BTRC: variants seen among roughly 807,000 people sequenced by gnomAD.
BTRC encodes the protein beta-transducin repeat containing E3 ubiquitin protein ligase.
BTRC carries 42 observed loss-of-function variants against 85.5 expected under a neutral mutation model. The ratio of observed to expected loss-of-function variants is 0.49; its 90% CI spans 0.38 to 0.64. BTRC has a LOEUF of 0.64. BTRC is among the 30% of genes least tolerant of loss of function. The probability of loss-of-function intolerance (pLI) is 0.00; values close to 1 mark genes in which losing one functional copy is unlikely to be tolerated. For synonymous variants in BTRC, 255 were observed against 263.3 expected (o/e 0.97, Z 0.30); for missense variants, 594 against 743.5 (o/e 0.80, Z 2.34).
At chr10:101,462,107 A>G (rs746001139) in intron 3 of BTRC, 49 bp downstream of exon 3, 4 of 1,267,328 alleles carry the variant, frequency 3.2e-6, no homozygotes, top group Admixed American at 5.2e-5. Flanking sequence ...ACAGCAAAAC[A>G]AAAGACAGGA....
chr10:101,536,745 T>C (rs982118779), intron 12 of BTRC, 92 bp downstream of exon 12: 6 of 928,856 alleles, frequency 6.5e-6, no homozygotes, highest in South Asian at 5.6e-5. Context: ...TCCTTGTTTC[T>C]AAAAGCTTAT....
At chr10:101,529,508 A>C (rs1190807137) in intron 6 of BTRC, among the ~76,000 whole-genome samples, 1 of 152,196 alleles carries the variant, frequency 6.6e-6, no homozygotes, top group African/African-American at 2.4e-5. Context: ...TTCACATTCA[A>C]AATCTATTAT....
intron 4 of BTRC, among the ~76,000 whole-genome samples, chr10:101,493,845 T>C (rs1252973428): frequency 6.6e-6 from 1 of 152,224 alleles, no homozygotes; most frequent in East Asian, 1.9e-4. Flanking sequence ...CAAGCTTTGA[T>C]TGTGTGTAAT....
chr10:101,397,976 A>G (rs79758656), intron 1 of BTRC, among the ~76,000 whole-genome samples: 1,858 of 152,354 alleles, frequency 0.012, 43 homozygotes, highest in African/African-American at 0.043. Flanking sequence ...CCACTTGCTC[A>G]TCACAGCAAG....
chr10:101,527,786 TCTC>T (rs1564827260), intron 6 of BTRC, among the ~76,000 whole-genome samples: 4 of 137,064 alleles, frequency 2.9e-5, no homozygotes, highest in Non-Finnish European at 3.3e-5. Flanking sequence ...TCTCTCTCTC[TCTC>T]TCACATACAC....
chr10:101,546,090 A>G (rs1374019467), intron 13 of BTRC, among the ~76,000 whole-genome samples: 2 of 152,242 alleles, frequency 1.3e-5, no homozygotes, highest in Non-Finnish European at 2.9e-5. Context: ...CAGTAAGAAC[A>G]TAGTTGAATT....
rs529941851 is a variant in BTRC at position 101,368,610 on chromosome 10, A to C, written c.48+14382A>C. Among the ~76,000 whole-genome samples the C allele has an allele frequency of 5.0e-4, 75 of 151,456 alleles. 1 individual carries two copies. The highest frequency in any genetic ancestry group is 9.0e-4 in the Non-Finnish European group (61 of 67,914). On this transcript the variant is annotated intron_variant, in intron 1 of 14. Transcript: ENST00000370187. ...TCTTCCCATTTTAGCCTCCTGAGTA[A>C]CTAGGACTACAGGCATGTGCCACCA...
intron 3 of BTRC, among the ~76,000 whole-genome samples, chr10:101,479,023 A>G (rs1405774498): frequency 6.6e-6 from 1 of 152,100 alleles, no homozygotes; most frequent in East Asian, 1.9e-4. Context: ...GAAAAACAAC[A>G]AAAATAAATC....
At chr10:101,458,892 A>C (rs1945148733) in intron 2 of BTRC, among the ~76,000 whole-genome samples, 1 of 152,188 alleles carries the variant, frequency 6.6e-6, no homozygotes, top group South Asian at 2.1e-4. Flanking sequence ...CAAGTATCTT[A>C]TAGAAAAAAT....
At chr10:101,509,294 G>A (rs1460780729) in intron 4 of BTRC, among the ~76,000 whole-genome samples, 2 of 108,472 alleles carry the variant, frequency 1.8e-5, no homozygotes, top group Non-Finnish European at 3.4e-5. Context: ...TCGCTCTGTC[G>A]CCCAGGCTGG....
intron 1 of BTRC, among the ~76,000 whole-genome samples, chr10:101,398,314 T>C (rs926786615): frequency 1.3e-5 from 2 of 152,152 alleles, no homozygotes; most frequent in Non-Finnish European, 2.9e-5. Flanking sequence ...TTTTTTTCTT[T>C]TTTTGTTTTT....
At chr10:101,515,219 G>A (rs2062007675) in intron 4 of BTRC, among the ~76,000 whole-genome samples, 2 of 152,062 alleles carry the variant, frequency 1.3e-5, no homozygotes, top group Non-Finnish European at 2.9e-5. Flanking sequence ...GACTCCCAAA[G>A]TGCTGGGATT....
chr10:101,365,605 A>G (rs2134498837), intron 1 of BTRC, among the ~76,000 whole-genome samples: 1 of 151,882 alleles, frequency 6.6e-6, no homozygotes, highest in African/African-American at 2.4e-5. Context: ...CTTCCTGAGT[A>G]GCTGGGACTA....
At chr10:101,382,833 T>A (rs1411290092) in intron 1 of BTRC, among the ~76,000 whole-genome samples, 1 of 152,184 alleles carries the variant, frequency 6.6e-6, no homozygotes, top group Non-Finnish European at 1.5e-5. Flanking sequence ...GAGTGTTTCC[T>A]ATTTTGGAAA....
chr10:101,386,693 G>C (rs1219642534), intron 1 of BTRC, among the ~76,000 whole-genome samples: 1 of 152,200 alleles, frequency 6.6e-6, no homozygotes, highest in African/African-American at 2.4e-5. Context: ...ATGACAGCCT[G>C]AATTAGAGCC....
At chr10:101,403,119 A>G (rs1193873430) in intron 1 of BTRC, among the ~76,000 whole-genome samples, 1 of 152,196 alleles carries the variant, frequency 6.6e-6, no homozygotes, top group African/African-American at 2.4e-5. Flanking sequence ...CATTGATGGC[A>G]TTGTTGGAAT....
intron 2 of BTRC, among the ~76,000 whole-genome samples, chr10:101,441,718 A>G (rs1352244447): frequency 6.6e-6 from 1 of 151,954 alleles, no homozygotes; most frequent in Non-Finnish European, 1.5e-5. Flanking sequence ...AGTCACTACT[A>G]AAAATCCAAA....
At chr10:101,490,679 A>ATCTTCCTCC (rs1227263944) in intron 4 of BTRC, among the ~76,000 whole-genome samples, 1 of 152,060 alleles carries the variant, frequency 6.6e-6, no homozygotes. Flanking sequence ...TTATTTTCTC[A>ATCTTCCTCC]TCTTCCTCCT....
Position 101,535,345 on chromosome 10 carries a change from CT to C in BTRC, c.1348-4del, listed in dbSNP as rs758583969. On this transcript the variant is annotated splice_polypyrimidine_tract_variant and splice_region_variant and intron_variant, in intron 10 of 14. Coordinates refer to ENST00000370187, the MANE Select transcript of BTRC (RefSeq NM_033637.4). ...CAAATCAACTGCTCAATGCCATTTT[CT>C]TTTTCAGGTATGGAACACAAGTACT... is the stretch of plus-strand genomic sequence containing the variant. 6.2e-7 allele frequency: 1 copy of C among 1,605,302 alleles called. No homozygotes were observed. The highest frequency in any genetic ancestry group is 1.1e-5 in the South Asian group (1 of 90,044).
Sources: gnomAD v4.1 joint callset for allele counts (sites outside exome capture counted in the v4.1 genomes callset) on GRCh38, gnomAD v4.1.1 for gene constraint, MANE v1.5 for transcripts, NCBI Gene and HGNC (gene_info 2026-07-23, HGNC 2026-07-21) for gene names.